The following TMEM178B variants were observed in gnomAD, a reference collection of about 807,000 sequenced individuals.
TMEM178B encodes the protein transmembrane protein 178B.
TMEM178B carries 5 observed loss-of-function variants against 31.0 expected under a neutral mutation model. The observed-to-expected ratio is 0.16, with a 90% CI of 0.08 to 0.34. The LOEUF (loss-of-function observed/expected upper bound fraction) is 0.34. Ranked by LOEUF, TMEM178B falls within the 10% of genes least tolerant of loss-of-function variation. The pLI, the probability that TMEM178B is intolerant of heterozygous loss-of-function variation, is 1.00. For missense variants in TMEM178B, 275 were observed against 400.3 expected (o/e 0.69, Z 2.67); for synonymous variants, 164 against 164.0 (o/e 1.00, Z 0.00).
At chr7:141,107,031 A>G (rs1237920689) in intron 1 of TMEM178B, among the ~76,000 whole-genome samples, 2 of 152,214 alleles carry the variant, frequency 1.3e-5, no homozygotes, top group African/African-American at 4.8e-5. Context: ...TAGACTGGAC[A>G]GGGAAGAAGA....
At chr7:141,137,429 A>G (rs560252239) in intron 1 of TMEM178B, among the ~76,000 whole-genome samples, 2 of 152,214 alleles carry the variant, frequency 1.3e-5, no homozygotes, top group Non-Finnish European at 2.9e-5. Context: ...GATGGAACCG[A>G]AGGTCATTAT....
At chr7:141,195,722 A>C (rs1235296021) in intron 1 of TMEM178B, among the ~76,000 whole-genome samples, 2 of 152,130 alleles carry the variant, frequency 1.3e-5, no homozygotes, top group African/African-American at 4.8e-5. Context: ...GTATTAGTTC[A>C]TTTTCACACT....
chr7:141,206,707 G>T (rs887642), intron 1 of TMEM178B, among the ~76,000 whole-genome samples: 4 of 151,978 alleles, frequency 2.6e-5, no homozygotes, highest in South Asian at 4.1e-4. Context: ...TGCCAGCCCC[G>T]GGTCCTTTAC....
At chr7:141,208,906 C>T (rs950241831) in intron 1 of TMEM178B, among the ~76,000 whole-genome samples, 1 of 152,206 alleles carries the variant, frequency 6.6e-6, no homozygotes, top group Admixed American at 6.5e-5. Context: ...GGTTTTGTGT[C>T]CCAAGGCTGG....
chr7:141,246,804 C>T (rs1249754722), intron 2 of TMEM178B, among the ~76,000 whole-genome samples: 2 of 152,080 alleles, frequency 1.3e-5, no homozygotes, highest in Non-Finnish European at 2.9e-5. Context: ...GTGCCAGACT[C>T]GTAAATGCTG....
chr7:141,224,400 T>C (rs145778845), intron 2 of TMEM178B, among the ~76,000 whole-genome samples: 1 of 152,336 alleles, frequency 6.6e-6, no homozygotes, highest in Non-Finnish European at 1.5e-5. Flanking sequence ...TTATAGACTC[T>C]TGATTACAAG....
At chr7:141,151,523 G>T (rs533978503) in intron 1 of TMEM178B, among the ~76,000 whole-genome samples, 10 of 152,230 alleles carry the variant, frequency 6.6e-5, no homozygotes, top group Admixed American at 6.5e-4. Flanking sequence ...CAGGGGCTAG[G>T]TCCAGATTGT....
intron 1 of TMEM178B, among the ~76,000 whole-genome samples, chr7:141,123,327 ACTGT>A (rs1563093709): frequency 6.6e-6 from 1 of 152,192 alleles, no homozygotes; most frequent in African/African-American, 2.4e-5. Context: ...TGGTGGTGTC[ACTGT>A]CTGTCATTGT....
chr7:141,320,011 A>G (rs1262497894), intron 2 of TMEM178B, among the ~76,000 whole-genome samples: 1 of 151,632 alleles, frequency 6.6e-6, no homozygotes, highest in East Asian at 1.9e-4. Context: ...TGAGGGAGGG[A>G]CCTGGTGGGA....
intron 1 of TMEM178B, among the ~76,000 whole-genome samples, chr7:141,195,404 A>G (rs1248640086): frequency 2.6e-5 from 4 of 152,214 alleles, no homozygotes; most frequent in Non-Finnish European, 5.9e-5. Flanking sequence ...TCTCTCAGGC[A>G]GGGCCAAAAT....
At chr7:141,407,567 G>A (rs1363673257) in intron 2 of TMEM178B, among the ~76,000 whole-genome samples, 2 of 152,096 alleles carry the variant, frequency 1.3e-5, no homozygotes, top group Non-Finnish European at 2.9e-5. Context: ...CACCCTGAAC[G>A]CTCCCGATCT....
chr7:141,438,859 G>C (rs915556673), intron 3 of TMEM178B, among the ~76,000 whole-genome samples: 2 of 135,460 alleles, frequency 1.5e-5, no homozygotes, highest in African/African-American at 5.4e-5. Context: ...CTTGGTGATA[G>C]AGCAAGATTC....
chr7:141,229,427 C>T (rs190779072), intron 2 of TMEM178B, among the ~76,000 whole-genome samples: 192 of 152,178 alleles, frequency 1.3e-3, no homozygotes, highest in South Asian at 2.7e-3. Context: ...CTACCCCATC[C>T]CCAGTTCCAT....
At chr7:141,388,702 G>A (rs114453601) in intron 2 of TMEM178B, among the ~76,000 whole-genome samples, 1,708 of 152,278 alleles carry the variant, frequency 0.011, 24 homozygotes, top group African/African-American at 0.038. Flanking sequence ...TAAGTGGTGA[G>A]CACTGGCTTT....
At chr7:141,215,777 C>CCTTTCTTTCTTT (rs529722580) in intron 2 of TMEM178B, among the ~76,000 whole-genome samples, 8 of 112,128 alleles carry the variant, frequency 7.1e-5, no homozygotes, top group Middle Eastern at 4.6e-3. Context: ...TATATACTTT[C>CCTTTCTTTCTTT]CTTTCTTTCT....
At chr7:141,286,563 A>C (rs892459088) in intron 2 of TMEM178B, among the ~76,000 whole-genome samples, 1 of 152,220 alleles carries the variant, frequency 6.6e-6, no homozygotes. Flanking sequence ...TGGCTTCTCA[A>C]GACCCTTCCA....
chr7:141,338,156 C>A (rs537191562), intron 2 of TMEM178B, among the ~76,000 whole-genome samples: 1 of 151,856 alleles, frequency 6.6e-6, no homozygotes. Flanking sequence ...TTTTTTAAAG[C>A]GAAGTTATTT....
At chr7:141,203,520 G>T (rs1362222437) in intron 1 of TMEM178B, among the ~76,000 whole-genome samples, 1 of 152,212 alleles carries the variant, frequency 6.6e-6, no homozygotes, top group Non-Finnish European at 1.5e-5. Flanking sequence ...ATCAGTGGAT[G>T]TATTGAGTTC....
At chr7:141,314,270 C>T (rs759281119) in intron 2 of TMEM178B, among the ~76,000 whole-genome samples, 1 of 152,192 alleles carries the variant, frequency 6.6e-6, no homozygotes, top group Non-Finnish European at 1.5e-5. Context: ...TCAGGCCTCT[C>T]ACACATCATT....
Sources: allele counts gnomAD v4.1 joint callset (sites outside exome capture counted in the v4.1 genomes callset), GRCh38; gene constraint gnomAD v4.1.1; transcripts MANE v1.5; gene names NCBI Gene and HGNC (gene_info 2026-07-23, HGNC 2026-07-21).